Variants in TSC22D2 observed in about 807,000 individuals in gnomAD.
TSC22D2 encodes the protein TSC22 domain family member 2.
Under a neutral mutation model 50.1 loss-of-function variants are expected in TSC22D2, and 5 were observed. That is an observed-to-expected ratio of 0.10 (90% CI 0.05 to 0.21). The LOEUF (loss-of-function observed/expected upper bound fraction) is 0.21, where lower values mean the gene tolerates loss of function less well. TSC22D2 is among the 10% of genes least tolerant of loss of function. TSC22D2 has a pLI of 1.00. For synonymous variants in TSC22D2, 501 were observed against 450.1 expected, an observed-to-expected ratio of 1.11 and a Z score of -1.43; for missense variants, 1,003 against 1,015.5, an observed-to-expected ratio of 0.99 and a Z score of 0.17.
intron 1 of TSC22D2, among the ~76,000 whole-genome samples, chr3:150,430,997 T>C (rs1379937605): frequency 1.3e-5 from 2 of 152,054 alleles, no homozygotes; most frequent in Admixed American, 1.3e-4. Context: ...CATTTTGTCA[T>C]ATTTGCTTTA....
chr3:150,412,997 TAC>T (rs138812885), intron 1 of TSC22D2, among the ~76,000 whole-genome samples: 2 of 151,936 alleles, frequency 1.3e-5, no homozygotes, highest in South Asian at 2.1e-4. Flanking sequence ...CCGCTTTCTA[TAC>T]ACACACACAC....
At chr3:150,424,681 G>A (rs1204790158) in intron 1 of TSC22D2, among the ~76,000 whole-genome samples, 1 of 152,074 alleles carries the variant, frequency 6.6e-6, no homozygotes, top group Non-Finnish European at 1.5e-5. Flanking sequence ...GCGTATCTAT[G>A]GTTTCTCATG....
In TSC22D2 at chr3:150,410,882, C is replaced by T. The variant is rs1240033799; in HGVS notation, c.1532C>T (p.Ala511Val). The T allele has an allele frequency of 1.2e-6, 2 of 1,613,904 alleles. No individual in the cohort carries two copies. Among genetic ancestry groups the T allele is most frequent in the African/African-American group, 1.3e-5 (1 of 74,936 alleles). The change falls in exon 1 of 3, where the codon GCA becomes GTA. Residue 511 changes from alanine to valine, a missense_variant. By Grantham distance (64) the Ala-to-Val change is moderately conservative (BLOSUM62 0). Transcript: ENST00000688009. Reference protein sequence around the residue: ...AVVPGVPNVPAAVPAPSVPSV... With the variant: ...AVVPGVPNVPVAVPAPSVPSV... ...GTGCCCGGAGTTCCAAACGTGCCTGCAGCCGTGCCCGCTCCAAGCGTGCCT... is the reference window on the plus strand; with the variant it reads ...GTGCCCGGAGTTCCAAACGTGCCTGTAGCCGTGCCCGCTCCAAGCGTGCCT...
intron 1 of TSC22D2, among the ~76,000 whole-genome samples, chr3:150,450,385 A>G (rs1721004564): frequency 6.6e-6 from 1 of 152,120 alleles, no homozygotes; most frequent in Non-Finnish European, 1.5e-5. Flanking sequence ...CTGCTTGCTC[A>G]GGATGAATAA....
At chr3:150,428,971 A>C (rs549225675) in intron 1 of TSC22D2, among the ~76,000 whole-genome samples, 3 of 152,042 alleles carry the variant, frequency 2.0e-5, no homozygotes, top group Non-Finnish European at 2.9e-5. Context: ...TAAAATGCCT[A>C]CTCTGGAGTT....
At chr3:150,419,089 A>T (rs1279281608) in intron 1 of TSC22D2, among the ~76,000 whole-genome samples, 2 of 152,140 alleles carry the variant, frequency 1.3e-5, no homozygotes. Flanking sequence ...CTAACCTTAT[A>T]TTAAACACAA....
chr3:150,452,159 A>T (rs189707549), intron 1 of TSC22D2, among the ~76,000 whole-genome samples: 41 of 152,272 alleles, frequency 2.7e-4, no homozygotes, highest in African/African-American at 9.4e-4. Context: ...AAAAATAGAG[A>T]TCAAGGCTGG....
intron 1 of TSC22D2, among the ~76,000 whole-genome samples, chr3:150,422,034 G>A (rs1053666480): frequency 1.3e-4 from 20 of 152,210 alleles, no homozygotes; most frequent in Non-Finnish European, 2.8e-4. Flanking sequence ...TCCTCTATGA[G>A]ATGGGAGTAA....
At chr3:150,452,386 G>A (rs1576557954) in intron 1 of TSC22D2, among the ~76,000 whole-genome samples, 4 of 151,886 alleles carry the variant, frequency 2.6e-5, no homozygotes, top group South Asian at 2.1e-4. Flanking sequence ...AAGAAGTTGC[G>A]GTGAGCTGAG....
intron 1 of TSC22D2, among the ~76,000 whole-genome samples, chr3:150,448,321 T>C (rs1720943435): frequency 6.6e-6 from 1 of 151,860 alleles, no homozygotes. Flanking sequence ...AACAACAAAT[T>C]TTAAAAATCA....
chr3:150,434,058 G>A (rs1269568710), intron 1 of TSC22D2, among the ~76,000 whole-genome samples: 1 of 152,158 alleles, frequency 6.6e-6, no homozygotes, highest in African/African-American at 2.4e-5. Flanking sequence ...GCCACAGAGC[G>A]AGACTCTGTC....
chr3:150,434,284 A>G (rs1720468893), intron 1 of TSC22D2, among the ~76,000 whole-genome samples: 1 of 151,432 alleles, frequency 6.6e-6, no homozygotes, highest in Non-Finnish European at 1.5e-5. Flanking sequence ...CTGGGATTAC[A>G]GGCACCACCA....
intron 1 of TSC22D2, among the ~76,000 whole-genome samples, chr3:150,433,989 T>C (rs1720457032): frequency 6.6e-6 from 1 of 152,160 alleles, no homozygotes; most frequent in Non-Finnish European, 1.5e-5. Context: ...GCACAAGAAT[T>C]GCTTGAACCC....
At chr3:150,427,299 G>T (rs1454024028) in intron 1 of TSC22D2, among the ~76,000 whole-genome samples, 1 of 152,068 alleles carries the variant, frequency 6.6e-6, no homozygotes, top group Non-Finnish European at 1.5e-5. Context: ...TCAATACATA[G>T]AATATTATAA....
At chr3:150,415,226 A>G (rs989142526) in intron 1 of TSC22D2, among the ~76,000 whole-genome samples, 1 of 152,188 alleles carries the variant, frequency 6.6e-6, no homozygotes, top group African/African-American at 2.4e-5. Context: ...CTATATCTGT[A>G]GGAGTGTGGC....
At chr3:150,424,583 A>G (rs1433775815) in intron 1 of TSC22D2, among the ~76,000 whole-genome samples, 1 of 152,228 alleles carries the variant, frequency 6.6e-6, no homozygotes, top group African/African-American at 2.4e-5. Context: ...TTGCCTGTAC[A>G]TCATTTGTTG....
intron 1 of TSC22D2, among the ~76,000 whole-genome samples, chr3:150,454,463 A>G (rs559999701): frequency 6.6e-6 from 1 of 152,312 alleles, no homozygotes; most frequent in South Asian, 2.1e-4. Flanking sequence ...TTTTCCTCCT[A>G]TAACTTTCAT....
chr3:150,418,775 G>A (rs185344758), intron 1 of TSC22D2, among the ~76,000 whole-genome samples: 9 of 152,102 alleles, frequency 5.9e-5, no homozygotes, highest in African/African-American at 2.2e-4. Flanking sequence ...GCTGTTAAAG[G>A]TATTTCTGGA....
chr3:150,421,217 T>C (rs908138563), intron 1 of TSC22D2, among the ~76,000 whole-genome samples: 10 of 152,248 alleles, frequency 6.6e-5, no homozygotes, highest in African/African-American at 1.9e-4. Context: ...TTCTTTTGTA[T>C]ATACTACCTT....
Sources: allele counts gnomAD v4.1 joint callset (sites outside exome capture counted in the v4.1 genomes callset), GRCh38; gene constraint gnomAD v4.1.1; transcripts MANE v1.5; gene names NCBI Gene and HGNC (gene_info 2026-07-23, HGNC 2026-07-21).